CFAP44: variants seen among roughly 807,000 people sequenced by gnomAD.
CFAP44 encodes the protein cilia and flagella associated protein 44, also known as cilia- and flagella-associated protein 44.
In CFAP44, 134 loss-of-function variants were observed where a neutral mutation model predicts 216.2. The observed-to-expected ratio is 0.62, with a 90% CI of 0.54 to 0.72. The LOEUF (loss-of-function observed/expected upper bound fraction) is 0.72. CFAP44 is among the 30% of genes least tolerant of loss of function. The probability of loss-of-function intolerance (pLI) is 0.00; values close to 1 mark genes in which losing one functional copy is unlikely to be tolerated. For missense variants in CFAP44, 2,035 were observed against 2,182.1 expected (o/e 0.93, Z 1.34); for synonymous variants, 700 against 727.6 (o/e 0.96, Z 0.61).
chr3:113,382,217 A>C (rs1933533484), intron 15 of CFAP44, among the ~76,000 whole-genome samples: 1 of 152,202 alleles, frequency 6.6e-6, no homozygotes, highest in Admixed American at 6.5e-5. Flanking sequence ...AAAGAATGAC[A>C]AGATGTGGGA....
chr3:113,351,713 C>A (rs1024499071), intron 22 of CFAP44, among the ~76,000 whole-genome samples: 1 of 150,990 alleles, frequency 6.6e-6, no homozygotes, highest in African/African-American at 2.4e-5. Flanking sequence ...ACTCTCATAC[C>A]AACCTCTGGA....
chr3:113,368,632 A>G (rs1032915856), intron 18 of CFAP44, among the ~76,000 whole-genome samples: 7 of 152,228 alleles, frequency 4.6e-5, no homozygotes, highest in Admixed American at 1.3e-4. Flanking sequence ...GCCACTGCAA[A>G]AACATTCCAA....
rs1292681081 is a variant in CFAP44 at position 113,333,471 on chromosome 3, T to C, written c.3550A>G (p.Ile1184Val). The C allele has an allele frequency of 6.5e-7, 1 of 1,537,132 alleles. No homozygotes were observed. The highest frequency in any genetic ancestry group is 8.7e-7 in the Non-Finnish European group (1 of 1,146,868). ...FNLKTAPDYK[I>V]PEHMRINAAK... ...GCATTTATTCTCATGTGCTCAGGTA[T>C]CTTGTAGTCTGGGGCTGTCTTCAGA... The change falls in exon 25 of 35, where the codon ATA (isoleucine) becomes GTA (valine). Residue 1184 changes from isoleucine to valine, a missense_variant. Around this residue, in one of 3 missense-constraint regions of CFAP44, gnomAD observed 1,883 missense variants for 2,023.7 expected, o/e 0.93. Transcript: ENST00000393845.
At chr3:113,336,620 G>A (rs922305509) in intron 24 of CFAP44, among the ~76,000 whole-genome samples, 4 of 145,030 alleles carry the variant, frequency 2.8e-5, no homozygotes, top group Non-Finnish European at 4.6e-5. Flanking sequence ...AAATTCCTTA[G>A]TAAAGCAGAA....
At chr3:113,369,124 A>G (rs1933058842) in intron 18 of CFAP44, among the ~76,000 whole-genome samples, 1 of 152,214 alleles carries the variant, frequency 6.6e-6, no homozygotes. Flanking sequence ...TTAGACTCCC[A>G]AACAATAATA....
chr3:113,330,506 G>C lies in CFAP44; in HGVS notation c.3778C>G (p.His1260Asp). 1.3e-6 allele frequency: 2 copies of C among 1,537,198 alleles called. No individual in the cohort carries two copies. The highest frequency in any genetic ancestry group is 8.7e-7 in the Non-Finnish European group (1 of 1,146,884). ...CTCTTTTCTGGAACTTCTTCTGGGTGTATCTGAGGAATTTTGGGAATGGGT... is the reference window on the plus strand; with the variant it reads ...CTCTTTTCTGGAACTTCTTCTGGGTCTATCTGAGGAATTTTGGGAATGGGT... ...HIPIPKIPQI[H>D]PEEVPEKRFQ... is the part of the protein sequence containing the mutation. The change falls in exon 26 of 35, where the codon CAC becomes GAC. Residue 1260 changes from histidine to aspartate, a missense_variant. This residue lies in a region of CFAP44 where 1,883 missense variants were observed against 2,023.7 expected (regional missense o/e 0.93). Transcript: ENST00000393845.
At position 113,366,313 on chromosome 3, in the gene CFAP44, C is replaced by A. The variant is rs768536423; in HGVS notation, c.2445-4G>T. 4 of 1,582,318 alleles carry A rather than the reference C, an allele frequency of 2.5e-6. No individual in the cohort carries two copies. Among genetic ancestry groups the A allele is most frequent in the African/African-American group, 2.7e-5 (2 of 73,878 alleles). On this transcript the variant is annotated splice_region_variant and splice_polypyrimidine_tract_variant and intron_variant, in intron 18 of 34. Coordinates refer to ENST00000393845, the MANE Select transcript of CFAP44 (RefSeq NM_001164496.2). ...AAACATCATAACTTTGTTAATGCTA[C>A]GAAACAAAAAATGTAAATTGTTCTT...
intron 28 of CFAP44, among the ~76,000 whole-genome samples, chr3:113,318,744 C>G (rs1271051551): frequency 2.0e-5 from 3 of 152,104 alleles, no homozygotes; most frequent in South Asian, 2.1e-4. Flanking sequence ...AGAAATCTTA[C>G]AAGCAAGAAG....
At chr3:113,373,317 A>T in intron 18 of CFAP44, 94 bp downstream of exon 18, 1 of 1,247,588 alleles carries the variant, frequency 8.0e-7, no homozygotes, top group African/African-American at 1.5e-5. Flanking sequence ...CTTCATTTGG[A>T]TGGATCTTTA....
intron 28 of CFAP44, among the ~76,000 whole-genome samples, chr3:113,320,518 C>T (rs1432911719): frequency 8.4e-6 from 1 of 119,556 alleles, no homozygotes; most frequent in Non-Finnish European, 1.8e-5. Context: ...ATATACAGTA[C>T]TTAATGAAGT....
In CFAP44 at chr3:113,286,962, T is replaced by G; in HGVS notation, c.*4595A>C. ...AAAATTGGTATTTATTTTTCTATTA[T>G]AGCCATATTTATATATTTATGCACT... On this transcript the variant is annotated 3_prime_UTR_variant, in exon 35 of 35. Coordinates refer to ENST00000393845, the MANE Select transcript of CFAP44 (RefSeq NM_001164496.2). The G allele has an allele frequency of 8.7e-7, 1 of 1,151,744 alleles. No individual in the cohort carries two copies. 71.3% of individuals were successfully genotyped at this position (1,151,744 alleles called of 1,614,324 possible).
chr3:113,320,556 T>C (rs1390057008), intron 28 of CFAP44, among the ~76,000 whole-genome samples: 1 of 146,620 alleles, frequency 6.8e-6, no homozygotes, highest in South Asian at 2.1e-4. Context: ...AATGAAGTTA[T>C]ATATATGTAT....
At chr3:113,361,783 C>G (rs1349821375) in intron 21 of CFAP44, among the ~76,000 whole-genome samples, 2 of 151,994 alleles carry the variant, frequency 1.3e-5, no homozygotes, top group African/African-American at 4.8e-5. Context: ...CAGGCATGAG[C>G]CACCGCGCCC....
chr3:113,385,517 T>C (rs962136593), intron 15 of CFAP44, among the ~76,000 whole-genome samples: 15 of 152,324 alleles, frequency 9.8e-5, no homozygotes, highest in Admixed American at 9.8e-4. Context: ...ATTTGATCTA[T>C]CCCAGAGAAA....
At chr3:113,326,161 T>A (rs1950187436) in intron 28 of CFAP44, among the ~76,000 whole-genome samples, 1 of 152,168 alleles carries the variant, frequency 6.6e-6, no homozygotes, top group Admixed American at 6.5e-5. Context: ...ATATGGCAAA[T>A]AAACACATAA....
At position 113,396,839 on chromosome 3, in the gene CFAP44, C is replaced by A. The variant is rs1934005748; in HGVS notation, c.1570-112G>T. On this transcript the variant is annotated intron_variant, in intron 13 of 34. Coordinates refer to ENST00000393845, the MANE Select transcript of CFAP44 (RefSeq NM_001164496.2). ...TAATTTAATATTGGCTGCCCATTGG[C>A]AATTCTTTATATCACTTTCTGGTAA... 6 of 1,059,710 alleles carry A rather than the reference C, an allele frequency of 5.7e-6. No homozygotes were observed. In the African/African-American group the frequency reaches 9.6e-5, roughly 17 times the overall value. 65.6% of individuals were successfully genotyped at this position (1,059,710 alleles called of 1,614,324 possible).
At chr3:113,432,775 G>T (rs959198153) in intron 2 of CFAP44, among the ~76,000 whole-genome samples, 1 of 152,004 alleles carries the variant, frequency 6.6e-6, no homozygotes, top group Admixed American at 6.5e-5. Context: ...TGAACAACTC[G>T]CTTTTCTAAA....
Position 113,435,784 on chromosome 3 carries a change from T to C in CFAP44, c.-5-2115A>G, listed in dbSNP as rs78127991. ...CTAACATGATACTCATGTTATTAAA[T>C]TTTGTATTTTGTACTTTGGAGGCAT... is the stretch of plus-strand genomic sequence containing the variant. On this transcript the variant is annotated intron_variant, in intron 1 of 34. Coordinates refer to ENST00000393845, the MANE Select transcript of CFAP44 (RefSeq NM_001164496.2). Among the ~76,000 whole-genome samples, 1,311 of 151,488 alleles carry C rather than the reference T, an allele frequency of 8.7e-3. 23 individuals are homozygous for C. The highest frequency in any genetic ancestry group is 0.031 in the African/African-American group (1,259 of 41,256).
intron 2 of CFAP44, 128 bp downstream of exon 2, chr3:113,433,437 A>G (rs1935158684): frequency 1.8e-5 from 7 of 390,178 alleles, no homozygotes; most frequent in Non-Finnish European, 2.6e-5. Flanking sequence ...CTCAAAAAAA[A>G]AAAAAAAAAA....
Sources: allele counts gnomAD v4.1 joint callset (sites outside exome capture counted in the v4.1 genomes callset), GRCh38; gene constraint gnomAD v4.1.1; regional missense constraint gnomAD v4.1.1; transcripts MANE v1.5; gene names NCBI Gene and HGNC (gene_info 2026-07-23, HGNC 2026-07-21).